ANKFN1: variants seen among roughly 807,000 people sequenced by gnomAD.
ANKFN1 encodes the protein ankyrin repeat and fibronectin type-III domain-containing protein 1.
In ANKFN1, 74 loss-of-function variants were observed where a neutral mutation model predicts 108.7. The ratio of observed to expected loss-of-function variants is 0.68; its 90% CI spans 0.56 to 0.83. ANKFN1 has a LOEUF of 0.83. Among genes scored for constraint, ANKFN1 ranks in the 40% least tolerant of loss-of-function variants. The pLI is 0.00. For missense variants in ANKFN1, 1,505 were observed against 1,382.3 expected, an observed-to-expected ratio of 1.09 and a Z score of -1.41; for synonymous variants, 547 against 516.2, an observed-to-expected ratio of 1.06 and a Z score of -0.81.
intron 4 of ANKFN1, among the ~76,000 whole-genome samples, chr17:56,053,897 T>A (rs1425162116): frequency 1.3e-5 from 2 of 152,122 alleles, no homozygotes. Context: ...ACTTTTGGAG[T>A]ACAAGTGGTT....
chr17:56,242,612 A>T (rs1209143879), intron 3 of ANKFN1, among the ~76,000 whole-genome samples: 1 of 152,116 alleles, frequency 6.6e-6, no homozygotes, highest in Non-Finnish European at 1.5e-5. Context: ...ATACTCTACA[A>T]ATAAGAATAA....
intron 1 of ANKFN1, among the ~76,000 whole-genome samples, chr17:56,179,081 A>G (rs1911437837): frequency 6.6e-6 from 1 of 152,172 alleles, no homozygotes; most frequent in Non-Finnish European, 1.5e-5. Context: ...AGCCCTTAAA[A>G]TTGGTTATCA....
At chr17:56,183,706 G>A (rs1052795572) in intron 1 of ANKFN1, among the ~76,000 whole-genome samples, 46 of 152,130 alleles carry the variant, frequency 3.0e-4, no homozygotes, top group Non-Finnish European at 4.4e-5. Context: ...AACTGTGAGT[G>A]AATTAAACCT....
chr17:56,326,577 G>A (rs1321546275), intron 4 of ANKFN1, among the ~76,000 whole-genome samples: 2 of 152,228 alleles, frequency 1.3e-5, no homozygotes, highest in Admixed American at 6.5e-5. Flanking sequence ...GAGGATGGGG[G>A]TAGGGAAGCC....
chr17:56,397,849 A>G (rs2192222), intron 8 of ANKFN1, among the ~76,000 whole-genome samples: 101,849 of 152,068 alleles, frequency 0.67, 34,695 homozygotes, highest in East Asian at 0.96. Context: ...AGTAAGTCAT[A>G]TCTCGTCTTT....
chr17:56,408,183 C>T (rs1401483617), intron 8 of ANKFN1, among the ~76,000 whole-genome samples: 2 of 152,070 alleles, frequency 1.3e-5, no homozygotes, highest in Non-Finnish European at 1.5e-5. Flanking sequence ...GATCTGCCCA[C>T]CTCGGCCTCC....
At chr17:56,502,351 G>T (rs1480833649) in intron 20 of ANKFN1, among the ~76,000 whole-genome samples, 1 of 152,142 alleles carries the variant, frequency 6.6e-6, no homozygotes, top group East Asian at 1.9e-4. Context: ...CTGCTAAGAG[G>T]ATCTGGCCAA....
At chr17:56,354,668 A>G (rs2046329084) in intron 6 of ANKFN1, among the ~76,000 whole-genome samples, 1 of 152,230 alleles carries the variant, frequency 6.6e-6, no homozygotes, top group African/African-American at 2.4e-5. Context: ...GTTGATACCC[A>G]TTGACCAATC....
rs764304335 is a variant in ANKFN1 at position 56,326,341 on chromosome 17, G to A, written c.174G>A (p.Ser58=). The change falls in exon 4 of 21, where the codon TCG becomes TCA. Residue 58 remains serine (S), a synonymous_variant. Coordinates refer to ENST00000682825, the MANE Select transcript of ANKFN1 (RefSeq NM_001370326.1). ...CAACAACTTGTTCCTCTGCTGCCTCGAACAGCATAAACTGGTAAGTCAAAT... is the reference window on the plus strand; with the variant it reads ...CAACAACTTGTTCCTCTGCTGCCTCAAACAGCATAAACTGGTAAGTCAAAT... ...QLPTTCSSAA[S]NSINWNCRVK... is the part of the protein sequence containing the mutation. 5.6e-6 allele frequency: 9 copies of A among 1,612,724 alleles called. No individual in the cohort carries two copies. Among genetic ancestry groups the A allele is most frequent in the East Asian group, 2.2e-5 (1 of 44,818 alleles).
intron 4 of ANKFN1, among the ~76,000 whole-genome samples, chr17:56,092,163 A>C (rs78585768): frequency 6.6e-6 from 1 of 151,344 alleles, no homozygotes; most frequent in African/African-American, 2.4e-5. Context: ...AATGGTCTGC[A>C]CTATATAGAG....
chr17:56,376,196 G>A (rs1327320226), intron 8 of ANKFN1, among the ~76,000 whole-genome samples: 1 of 152,050 alleles, frequency 6.6e-6, no homozygotes, highest in African/African-American at 2.4e-5. Flanking sequence ...GTCCCTCTGG[G>A]GAACTTCATA....
At chr17:56,402,866 C>T (rs11870564) in intron 8 of ANKFN1, among the ~76,000 whole-genome samples, 101,654 of 151,896 alleles carry the variant, frequency 0.67, 34,593 homozygotes, top group East Asian at 0.96. Context: ...CTCTTAGCAC[C>T]GCCTTGCTGT....
intron 3 of ANKFN1, among the ~76,000 whole-genome samples, chr17:56,280,024 T>C (rs902774053): frequency 1.3e-5 from 2 of 149,862 alleles, no homozygotes; most frequent in African/African-American, 5.0e-5. Context: ...TTTTTTTTTT[T>C]CTCAAGACGG....
chr17:56,414,384 A>T (rs939083759), intron 8 of ANKFN1, among the ~76,000 whole-genome samples: 1 of 152,188 alleles, frequency 6.6e-6, no homozygotes, highest in Admixed American at 6.5e-5. Context: ...GAACTTCCAA[A>T]CTCATTCTAC....
chr17:56,086,414 A>C (rs1258282653), intron 4 of ANKFN1, among the ~76,000 whole-genome samples: 2 of 151,340 alleles, frequency 1.3e-5, no homozygotes, highest in Non-Finnish European at 3.0e-5. Context: ...TCAAAAATCA[A>C]ATGAAAATAA....
intron 1 of ANKFN1, among the ~76,000 whole-genome samples, chr17:56,175,325 A>G (rs1911048042): frequency 6.6e-6 from 1 of 152,116 alleles, no homozygotes; most frequent in Non-Finnish European, 1.5e-5. Flanking sequence ...ACAAGGAGAG[A>G]GGTAAAACTA....
chr17:56,361,792 A>G (rs1717335746), intron 6 of ANKFN1, among the ~76,000 whole-genome samples: 1 of 152,114 alleles, frequency 6.6e-6, no homozygotes, highest in African/African-American at 2.4e-5. Context: ...CATAGTGGCT[A>G]CTGGCATGAG....
intron 3 of ANKFN1, among the ~76,000 whole-genome samples, chr17:56,262,198 A>C (rs1598320695): frequency 6.6e-6 from 1 of 152,148 alleles, no homozygotes; most frequent in Admixed American, 6.5e-5. Context: ...AGGCTCTACG[A>C]CCCTCTCCCC....
intron 19 of ANKFN1, among the ~76,000 whole-genome samples, chr17:56,496,283 C>T (rs1026960077): frequency 3.3e-5 from 5 of 152,156 alleles, no homozygotes; most frequent in Admixed American, 2.6e-4. Flanking sequence ...CTAAATCCCT[C>T]TATTCATCCT....
Sources: gnomAD v4.1 joint callset for allele counts (sites outside exome capture counted in the v4.1 genomes callset) on GRCh38, gnomAD v4.1.1 for gene constraint, MANE v1.5 for transcripts, NCBI Gene and HGNC (gene_info 2026-07-23, HGNC 2026-07-21) for gene names.